The following C12orf54 variants were observed in gnomAD, a reference collection of about 807,000 sequenced individuals.
C12orf54 encodes the protein chromosome 12 open reading frame 54.
Under a neutral mutation model 26.4 loss-of-function variants are expected in C12orf54, and 24 were observed. That is an observed-to-expected ratio of 0.91 (90% CI 0.66 to 1.28). C12orf54 has a LOEUF of 1.28. Among genes scored for constraint, C12orf54 ranks in the 50% most tolerant of loss-of-function variants. The pLI is 0.00. For synonymous variants in C12orf54, 54 were observed against 47.0 expected, an observed-to-expected ratio of 1.15 and a Z score of -0.61; for missense variants, 154 against 150.9, an observed-to-expected ratio of 1.02 and a Z score of -0.11.
chr12:48,453,163 A>G, the C12orf54 span, among the ~76,000 whole-genome samples: 6 of 152,228 alleles, frequency 3.9e-5, no homozygotes, highest in Non-Finnish European at 7.3e-5. Flanking sequence ...AGCCATAAAA[A>G]GGAACGAGAT....
the C12orf54 span, among the ~76,000 whole-genome samples, chr12:48,473,957 A>C: frequency 6.6e-6 from 1 of 152,170 alleles, no homozygotes; most frequent in Non-Finnish European, 1.5e-5. Flanking sequence ...CCCATCTCTC[A>C]TCCCTTTTCC....
chr12:48,491,111 G>A (rs1020038476), intron 6 of C12orf54, among the ~76,000 whole-genome samples: 6 of 152,154 alleles, frequency 3.9e-5, no homozygotes, highest in Non-Finnish European at 5.9e-5. Context: ...CAATTGCCTC[G>A]TGTCTGAGTC....
At chr12:48,466,462 T>G in the C12orf54 span, among the ~76,000 whole-genome samples, 1 of 151,942 alleles carries the variant, frequency 6.6e-6, no homozygotes, top group African/African-American at 2.4e-5. Context: ...GGAGAATTGC[T>G]TGAACTGGGG....
At chr12:48,489,581 T>C (rs1200779367) in intron 5 of C12orf54, among the ~76,000 whole-genome samples, 2 of 151,816 alleles carry the variant, frequency 1.3e-5, no homozygotes, top group African/African-American at 4.8e-5. Flanking sequence ...CCCAGCTAAC[T>C]TTTTTTGTAT....
the C12orf54 span, among the ~76,000 whole-genome samples, chr12:48,421,833 A>G: frequency 6.6e-6 from 1 of 152,072 alleles, no homozygotes; most frequent in Non-Finnish European, 1.5e-5. Flanking sequence ...CCCAGCCAGC[A>G]TTTTGAATTA....
At chr12:48,452,528 A>T in the C12orf54 span, among the ~76,000 whole-genome samples, 89 of 151,986 alleles carry the variant, frequency 5.9e-4, no homozygotes, top group Non-Finnish European at 8.7e-4. Flanking sequence ...AAAAAAACAC[A>T]ACAACGACAA....
At chr12:48,468,035 C>A in the C12orf54 span, among the ~76,000 whole-genome samples, 1 of 152,048 alleles carries the variant, frequency 6.6e-6, no homozygotes, top group Non-Finnish European at 1.5e-5. Context: ...ATTTGAGTTC[C>A]TTCTATTTTT....
chr12:48,463,271 A>G, the C12orf54 span, among the ~76,000 whole-genome samples: 1 of 151,856 alleles, frequency 6.6e-6, no homozygotes, highest in South Asian at 2.1e-4. Flanking sequence ...AAATATAAAT[A>G]ACCATCAGAG....
At chr12:48,474,914 C>G in the C12orf54 span, among the ~76,000 whole-genome samples, 3 of 152,196 alleles carry the variant, frequency 2.0e-5, no homozygotes, top group African/African-American at 4.8e-5. Flanking sequence ...TCTCCCGGCA[C>G]GCAGCTTGAA....
At chr12:48,435,409 A>G in the C12orf54 span, among the ~76,000 whole-genome samples, 5 of 152,318 alleles carry the variant, frequency 3.3e-5, no homozygotes, top group South Asian at 2.1e-4. Flanking sequence ...AAATACAGAG[A>G]ATGCCACAAA....
At chr12:48,424,850 G>A in the C12orf54 span, among the ~76,000 whole-genome samples, 4 of 152,116 alleles carry the variant, frequency 2.6e-5, no homozygotes, top group African/African-American at 4.8e-5. Context: ...TTCTATTTAT[G>A]TGAAATTGTA....
chr12:48,433,030 C>T, the C12orf54 span, among the ~76,000 whole-genome samples: 60 of 152,224 alleles, frequency 3.9e-4, 1 homozygote, highest in East Asian at 0.01. Flanking sequence ...AATACCACAA[C>T]GTTCCTATAC....
the C12orf54 span, among the ~76,000 whole-genome samples, chr12:48,457,126 C>T: frequency 1.3e-5 from 2 of 152,060 alleles, no homozygotes; most frequent in East Asian, 1.9e-4. Context: ...CCCAGCACAT[C>T]GTGGGTAATC....
rs1937909358 is a variant in C12orf54, at chr12:48,496,191, G to A, written c.*51G>A. The A allele has an allele frequency of 6.6e-6, 1 of 152,398 alleles. No homozygotes were observed. The highest frequency in any genetic ancestry group is 1.9e-4 in the East Asian group (1 of 5,200). The allele number at this position is 152,398 out of a possible 1,614,324, so 9.4% of individuals were successfully genotyped here. A position where few individuals can be genotyped will look rare whatever the true frequency, so the allele number is the denominator to read the frequency against. ...CTATGTCATCTACAGCACAGCTTCA[G>A]TTGGGGAAGATATTAGCAGACATCA... On this transcript the variant is annotated 3_prime_UTR_variant, in exon 9 of 9. Transcript: ENST00000548364.
intron 1 of C12orf54, among the ~76,000 whole-genome samples, chr12:48,482,949 T>A (rs1039823436): frequency 2.6e-5 from 4 of 151,754 alleles, no homozygotes; most frequent in African/African-American, 9.7e-5. Context: ...TTTTTTTTCG[T>A]CTACTTCCTC....
chr12:48,424,463 CT>C, the C12orf54 span, among the ~76,000 whole-genome samples: 4 of 152,072 alleles, frequency 2.6e-5, no homozygotes, highest in Non-Finnish European at 2.9e-5. Flanking sequence ...CCATCCGGAC[CT>C]GGAGTTGTCT....
At chr12:48,430,899 A>G in the C12orf54 span, among the ~76,000 whole-genome samples, 4 of 150,982 alleles carry the variant, frequency 2.6e-5, no homozygotes, top group African/African-American at 4.9e-5. Flanking sequence ...AACCAACACA[A>G]ATGCCCATCA....
the C12orf54 span, among the ~76,000 whole-genome samples, chr12:48,449,574 G>C: frequency 6.6e-6 from 1 of 152,108 alleles, no homozygotes. Context: ...GTATATTTAA[G>C]TAAAAGTTTT....
chr12:48,475,757 A>C, the C12orf54 span, among the ~76,000 whole-genome samples: 1 of 152,122 alleles, frequency 6.6e-6, no homozygotes, highest in Non-Finnish European at 1.5e-5. Context: ...GAAAAGACGA[A>C]ATCTACATCT....
Sources: gnomAD v4.1 joint callset for allele counts (sites outside exome capture counted in the v4.1 genomes callset) on GRCh38, gnomAD v4.1.1 for gene constraint, MANE v1.5 for transcripts, NCBI Gene and HGNC (gene_info 2026-07-23, HGNC 2026-07-21) for gene names.